The following SCARA5 variants were observed in gnomAD, a reference collection of about 807,000 sequenced individuals.
The protein encoded by SCARA5 is scavenger receptor class A, member 5 (putative).
Under a neutral mutation model 46.3 loss-of-function variants are expected in SCARA5, and 45 were observed. That is an observed-to-expected ratio of 0.97 (90% CI 0.76 to 1.24). SCARA5 has a LOEUF of 1.24. Ranked by LOEUF, SCARA5 falls within the 50% of genes most tolerant of loss-of-function variation. The probability of loss-of-function intolerance (pLI) is 0.00; values close to 1 mark genes in which losing one functional copy is unlikely to be tolerated. For synonymous variants in SCARA5, 333 were observed against 306.5 expected, an observed-to-expected ratio of 1.09 and a Z score of -0.90; for missense variants, 680 against 689.0, an observed-to-expected ratio of 0.99 and a Z score of 0.15.
chr8:27,882,787 G>T (rs1806831464), intron 7 of SCARA5, among the ~76,000 whole-genome samples: 1 of 152,218 alleles, frequency 6.6e-6, no homozygotes, highest in South Asian at 2.1e-4. Flanking sequence ...ATTATATCAA[G>T]TGCCAGGTGC....
chr8:27,956,944 C>T (rs1284083299), intron 3 of SCARA5, among the ~76,000 whole-genome samples: 1 of 152,180 alleles, frequency 6.6e-6, no homozygotes, highest in Non-Finnish European at 1.5e-5. Context: ...AGGACGGGAG[C>T]TCATTAGTTG....
intron 3 of SCARA5, among the ~76,000 whole-genome samples, chr8:27,923,009 T>C (rs892321301): frequency 2.6e-5 from 4 of 152,244 alleles, no homozygotes; most frequent in South Asian, 2.1e-4. Flanking sequence ...ATACATTTGT[T>C]GCTTATAAAT....
intron 7 of SCARA5, among the ~76,000 whole-genome samples, chr8:27,901,747 A>G (rs1807157724): frequency 6.6e-6 from 1 of 152,172 alleles, no homozygotes; most frequent in Admixed American, 6.5e-5. Context: ...TCCAGCCCCA[A>G]GGTCCTTACA....
chr8:27,903,888 T>C (rs923064166), intron 7 of SCARA5, among the ~76,000 whole-genome samples: 1 of 152,166 alleles, frequency 6.6e-6, no homozygotes, highest in Non-Finnish European at 1.5e-5. Flanking sequence ...GAGGCAGTGA[T>C]ATTCTGCTTG....
chr8:27,966,029 A>AAG (rs1808363398), intron 3 of SCARA5, among the ~76,000 whole-genome samples: 1 of 152,228 alleles, frequency 6.6e-6, no homozygotes, highest in African/African-American at 2.4e-5. Flanking sequence ...CCAGGAAGCA[A>AAG]AGTGCCTCAC....
intron 4 of SCARA5, among the ~76,000 whole-genome samples, chr8:27,912,566 A>G (rs1807395105): frequency 6.6e-6 from 1 of 152,214 alleles, no homozygotes; most frequent in South Asian, 2.1e-4. Flanking sequence ...ACCCCTTCCC[A>G]GCGATCTCCC....
At chr8:27,972,453 C>T (rs1455053264) in intron 2 of SCARA5, among the ~76,000 whole-genome samples, 2 of 152,140 alleles carry the variant, frequency 1.3e-5, no homozygotes, top group Admixed American at 6.5e-5. Flanking sequence ...CTGGGAAACA[C>T]TGACTTTAAT....
intron 2 of SCARA5, among the ~76,000 whole-genome samples, chr8:27,970,563 G>A (rs1268966703): frequency 6.6e-6 from 1 of 152,162 alleles, no homozygotes; most frequent in Non-Finnish European, 1.5e-5. Context: ...GGCATAAATA[G>A]GCCTCTAGAA....
At chr8:27,930,521 G>A (rs1807753342) in intron 3 of SCARA5, among the ~76,000 whole-genome samples, 1 of 152,040 alleles carries the variant, frequency 6.6e-6, no homozygotes. Flanking sequence ...TCCTGCCTCA[G>A]CCTCCGGAGT....
At chr8:27,896,650 T>C (rs1807068406) in intron 7 of SCARA5, among the ~76,000 whole-genome samples, 1 of 152,054 alleles carries the variant, frequency 6.6e-6, no homozygotes. Context: ...CCAGGCACCA[T>C]GACAAGTGAC....
At chr8:27,987,982 G>C (rs1808729969) in intron 1 of SCARA5, among the ~76,000 whole-genome samples, 1 of 152,184 alleles carries the variant, frequency 6.6e-6, no homozygotes, top group Non-Finnish European at 1.5e-5. Context: ...AGGGAACCCT[G>C]CTGACTCAAA....
intron 3 of SCARA5, among the ~76,000 whole-genome samples, chr8:27,947,570 C>T (rs1261353755): frequency 1.3e-5 from 2 of 152,186 alleles, no homozygotes; most frequent in Non-Finnish European, 2.9e-5. Context: ...ATTCTGACCC[C>T]TGCTTCAACC....
intron 3 of SCARA5, among the ~76,000 whole-genome samples, chr8:27,929,707 A>T (rs1320375): frequency 0.98 from 148,915 of 152,288 alleles, 72,903 homozygotes; most frequent in East Asian, 1. Flanking sequence ...GTCAGTCACA[A>T]GGCAAACTCC....
At chr8:27,883,912 TG>T (rs1806849975) in intron 7 of SCARA5, among the ~76,000 whole-genome samples, 1 of 152,168 alleles carries the variant, frequency 6.6e-6, no homozygotes, top group Admixed American at 6.5e-5. Flanking sequence ...TTTGGCCAAG[TG>T]GGCTGGAAGG....
Position 27,895,660 on chromosome 8 carries a change from G to A in SCARA5, c.1153+9118C>T, listed in dbSNP as rs1056322267. On this transcript the variant is annotated intron_variant, in intron 7 of 8. Coordinates refer to ENST00000354914, the MANE Select transcript of SCARA5 (RefSeq NM_173833.6). ...CTCTCTCCAGGTCACATGATAAGGC[G>A]GCCACGCCAGGACCACACCTGGGTT... Among the ~76,000 whole-genome samples the A allele has an allele frequency of 2.6e-5, 4 of 152,144 alleles. No individual in the cohort carries two copies. In the East Asian group the frequency reaches 5.8e-4, roughly 22 times the overall value.
chr8:27,962,169 T>A (rs529272031), intron 3 of SCARA5, among the ~76,000 whole-genome samples: 1 of 152,346 alleles, frequency 6.6e-6, no homozygotes, highest in African/African-American at 2.4e-5. Context: ...CTATACTTGC[T>A]GCAGGTGGAC....
intron 7 of SCARA5, among the ~76,000 whole-genome samples, chr8:27,900,847 A>T (rs1807141334): frequency 7.0e-6 from 1 of 142,206 alleles, no homozygotes; most frequent in Non-Finnish European, 1.5e-5. Flanking sequence ...TCACGGAATG[A>T]CTGATATTGC....
intron 5 of SCARA5, among the ~76,000 whole-genome samples, chr8:27,907,524 G>A (rs114000860): frequency 0.013 from 1,979 of 151,346 alleles, 51 homozygotes; most frequent in African/African-American, 0.045. Flanking sequence ...TTCCTTTGGG[G>A]GTGTCCCTTT....
At chr8:27,961,619 A>G (rs746399535) in intron 3 of SCARA5, among the ~76,000 whole-genome samples, 2 of 152,214 alleles carry the variant, frequency 1.3e-5, no homozygotes, top group Non-Finnish European at 2.9e-5. Context: ...CCAATGTCAC[A>G]TAGCTGGTGA....
Sources: gnomAD v4.1 joint callset for allele counts (sites outside exome capture counted in the v4.1 genomes callset) on GRCh38, gnomAD v4.1.1 for gene constraint, MANE v1.5 for transcripts, NCBI Gene and HGNC (gene_info 2026-07-23, HGNC 2026-07-21) for gene names.